TRPM8: variants seen among roughly 807,000 people sequenced by gnomAD.
TRPM8 encodes transient receptor potential cation channel subfamily M member 8.
Under a neutral mutation model 133.7 loss-of-function variants are expected in TRPM8, and 110 were observed. The observed-to-expected ratio is 0.82, with a 90% confidence interval of 0.70 to 0.96. The LOEUF is 0.96. TRPM8 is among the 40% of genes least tolerant of loss of function. The pLI is 0.00. For missense variants in TRPM8, 1,291 were observed against 1,379.5 expected (o/e 0.94, Z 1.02); for synonymous variants, 535 against 532.3 (o/e 1.01, Z -0.07).
intron 14 of TRPM8, 68 bp downstream of exon 14, chr2:233,964,825 C>G (rs1691526954): frequency 6.7e-7 from 1 of 1,496,386 alleles, no homozygotes; most frequent in African/African-American, 1.4e-5. Context: ...TTGCCAGCGG[C>G]ACTCATAGAC....
chr2:233,979,557 A>G (rs56306265), intron 17 of TRPM8, among the ~76,000 whole-genome samples: 13,845 of 152,184 alleles, frequency 0.091, 697 homozygotes, highest in East Asian at 0.25. Context: ...AAGAGAAAGG[A>G]TACTCTCTGT....
chr2:233,964,778 G>A (rs759327309), intron 14 of TRPM8, 21 bp downstream of exon 14: 1 of 1,589,472 alleles, frequency 6.3e-7, no homozygotes, highest in Non-Finnish European at 8.6e-7. Flanking sequence ...AGTGTGGAAT[G>A]CTGTGGTGGG....
At chr2:234,009,554 C>T (rs1024926444) in intron 24 of TRPM8, among the ~76,000 whole-genome samples, 1 of 152,098 alleles carries the variant, frequency 6.6e-6, no homozygotes, top group African/African-American at 2.4e-5. Flanking sequence ...GACCTGACTC[C>T]TAGGGTCCAG....
chr2:233,943,722 T>C (rs1053066066), intron 6 of TRPM8, among the ~76,000 whole-genome samples: 2 of 152,330 alleles, frequency 1.3e-5, no homozygotes, highest in African/African-American at 2.4e-5. Flanking sequence ...GTATCAAGTG[T>C]AGAATTTTGA....
intron 24 of TRPM8, among the ~76,000 whole-genome samples, chr2:234,012,457 T>C (rs928675967): frequency 6.8e-6 from 1 of 146,648 alleles, no homozygotes; most frequent in African/African-American, 2.6e-5. Context: ...TCCTAACAGT[T>C]TTTTTTTGTG....
In TRPM8 at chr2:233,960,814, A is replaced by C; in HGVS notation, c.1401A>C (p.Ile467=). The part of the protein sequence containing the change: ...DLQEVMFTAL[I]KDRPKFVRLF... ...AAGAAGTCATGTTTACGGCTCTCAT[A>C]AAGGACAGACCCAAGTTTGTCCGCC... Residue 467 remains isoleucine, a synonymous_variant, in exon 12 of 26, where the codon ATA becomes ATC. Coordinates refer to ENST00000324695, the MANE Select transcript of TRPM8 (RefSeq NM_024080.5). 1 of 1,614,158 alleles carries C rather than the reference A, an allele frequency of 6.2e-7. No individual in the cohort carries two copies. The highest frequency in any genetic ancestry group is 8.5e-7 in the Non-Finnish European group (1 of 1,180,020).
intron 17 of TRPM8, among the ~76,000 whole-genome samples, chr2:233,971,098 A>G (rs1170471373): frequency 1.3e-5 from 2 of 152,218 alleles, no homozygotes; most frequent in Non-Finnish European, 2.9e-5. Flanking sequence ...CACACTTAGC[A>G]GTTTACAAAT....
At chr2:234,006,760 C>G (rs1209652651) in intron 22 of TRPM8, 93 bp from the exon 23 acceptor site, 2 of 886,568 alleles carry the variant, frequency 2.3e-6, no homozygotes, top group African/African-American at 3.4e-5. Flanking sequence ...ATTCTTAGTT[C>G]TAGAGTCTCA....
rs573778656 is a variant in TRPM8 at position 234,007,807 on chromosome 2, C to G, written c.3231-263C>G. Among the ~76,000 whole-genome samples the G allele has an allele frequency of 5.3e-5, 8 of 152,348 alleles. No homozygotes were observed. The South Asian group carries it at 1.7e-3, about 32-fold the overall frequency. On this transcript the variant is annotated intron_variant, in intron 23 of 25. Coordinates refer to ENST00000324695, the MANE Select transcript of TRPM8 (RefSeq NM_024080.5). ...CTAGGTTTTGCAAGGGACACACAGA[C>G]TTACAAGTCCTTTTCCACCGCCCTG... is the stretch of plus-strand genomic sequence containing the variant.
At chr2:233,988,724 T>C (rs1692207182) in intron 21 of TRPM8, among the ~76,000 whole-genome samples, 1 of 152,158 alleles carries the variant, frequency 6.6e-6, no homozygotes, top group South Asian at 2.1e-4. Context: ...ACCACCTAGC[T>C]GGTGGCAGGG....
At chr2:233,987,782 C>A (rs1404655113) in intron 21 of TRPM8, among the ~76,000 whole-genome samples, 1 of 152,158 alleles carries the variant, frequency 6.6e-6, no homozygotes, top group Admixed American at 6.5e-5. Context: ...AGCGGTTTCC[C>A]CCATACTGTT....
chr2:233,924,290 C>G (rs1437901593), intron 1 of TRPM8, among the ~76,000 whole-genome samples: 3 of 152,202 alleles, frequency 2.0e-5, no homozygotes, highest in African/African-American at 7.2e-5. Context: ...TTACTTCTCC[C>G]TGGCGCATGA....
intron 22 of TRPM8, among the ~76,000 whole-genome samples, chr2:234,002,950 C>T (rs974998056): frequency 6.6e-6 from 1 of 152,118 alleles, no homozygotes; most frequent in Non-Finnish European, 1.5e-5. Context: ...CTGATTATGC[C>T]TGTGCCTTTA....
chr2:234,007,972 C>A, intron 23 of TRPM8, 98 bp from the exon 24 acceptor site: 1 of 1,173,338 alleles, frequency 8.5e-7, no homozygotes, highest in Non-Finnish European at 1.2e-6. Context: ...GACTTGTATT[C>A]TGTACTTTAA....
chr2:234,006,833 T>C lies in TRPM8; in HGVS notation c.3131-20T>C, dbSNP rs201679283. The C allele has an allele frequency of 5.0e-4, 784 of 1,581,088 alleles. No homozygotes were observed. Among genetic ancestry groups the C allele is most frequent in the Non-Finnish European group, 6.4e-4 (737 of 1,152,218 alleles). ...GGCAAATGAAACAATTTGAATGTTT[T>C]CTTTTTCTCATTATTCAAGGTTTCA... On this transcript the variant is annotated intron_variant, in intron 22 of 25. Transcript: ENST00000324695.
intron 25 of TRPM8, among the ~76,000 whole-genome samples, chr2:234,016,050 A>C (rs1692948565): frequency 6.6e-6 from 1 of 152,180 alleles, no homozygotes; most frequent in Non-Finnish European, 1.5e-5. Flanking sequence ...ATTCTTTCTC[A>C]AATGTGCTGA....
At chr2:233,986,602 T>A (rs934232909) in intron 21 of TRPM8, among the ~76,000 whole-genome samples, 2 of 152,156 alleles carry the variant, frequency 1.3e-5, no homozygotes, top group East Asian at 3.9e-4. Context: ...TGTTAAACCT[T>A]TGGGTGGAAG....
At chr2:233,926,805 G>C (rs139621065) in intron 2 of TRPM8, 151 bp downstream of exon 2, 2 of 650,426 alleles carry the variant, frequency 3.1e-6, no homozygotes, top group Middle Eastern at 3.9e-4. Flanking sequence ...TCTTGTTTCC[G>C]GTCTGAGCCT....
intron 1 of TRPM8, among the ~76,000 whole-genome samples, chr2:233,921,730 G>T (rs568221792): frequency 8.2e-4 from 107 of 130,324 alleles, no homozygotes; most frequent in African/African-American, 3.2e-3. Flanking sequence ...AGGCTGGAGT[G>T]CAGGGGCGTG....
Sources: allele counts gnomAD v4.1 joint callset (sites outside exome capture counted in the v4.1 genomes callset), GRCh38; gene constraint gnomAD v4.1.1; transcripts MANE v1.5; gene names NCBI Gene and HGNC (gene_info 2026-07-23, HGNC 2026-07-21).